SH3GL2: variants seen among roughly 807,000 people sequenced by gnomAD.
The protein encoded by SH3GL2 is SH3 domain containing GRB2 like 2, endophilin A1, also known as endophilin-A1.
Under a neutral mutation model 46.0 loss-of-function variants are expected in SH3GL2, and 24 were observed. That is an observed-to-expected ratio of 0.52 (90% CI 0.38 to 0.73). SH3GL2 has a LOEUF of 0.73. Among genes scored for constraint, SH3GL2 ranks in the 30% least tolerant of loss-of-function variants. The probability of loss-of-function intolerance (pLI) is 0.00; values close to 1 mark genes in which losing one functional copy is unlikely to be tolerated. For synonymous variants in SH3GL2, 196 were observed against 147.1 expected, an observed-to-expected ratio of 1.33 and a Z score of -2.40; for missense variants, 413 against 424.2, an observed-to-expected ratio of 0.97 and a Z score of 0.23.
chr9:17,676,383 A>C (rs1820609721), intron 1 of SH3GL2, among the ~76,000 whole-genome samples: 1 of 152,150 alleles, frequency 6.6e-6, no homozygotes, highest in African/African-American at 2.4e-5. Context: ...AGGTGGGTAG[A>C]TCATATGAGG....
chr9:17,631,503 A>C (rs953190639), intron 1 of SH3GL2, among the ~76,000 whole-genome samples: 1 of 152,182 alleles, frequency 6.6e-6, no homozygotes, highest in Non-Finnish European at 1.5e-5. Context: ...AGTTCTGTAC[A>C]TGGAAAATAT....
At position 17,740,465 on chromosome 9, in the gene SH3GL2, AGTATTGTATT is replaced by A. The variant is rs137877310; in HGVS notation, c.46-6580_46-6571del. On this transcript the variant is annotated intron_variant, in intron 1 of 8. Coordinates refer to ENST00000380607, the MANE Select transcript of SH3GL2 (RefSeq NM_003026.5). ...CCTCTAAGTATTTGATATGTCATCA[AGTATTGTATT>A]GTATTGTATTGTATTGTATTTTTTA... 3.9e-3 allele frequency among the ~76,000 whole-genome samples: 585 copies of A among 151,288 alleles called. 2 individuals carry two copies. The highest frequency in any genetic ancestry group is 0.013 in the African/African-American group (543 of 41,268).
chr9:17,664,631 A>T (rs1026837436), intron 1 of SH3GL2, among the ~76,000 whole-genome samples: 8 of 151,898 alleles, frequency 5.3e-5, no homozygotes, highest in Admixed American at 3.9e-4. Flanking sequence ...GGCTCTACAA[A>T]ATGTACTTCT....
chr9:17,696,027 G>A (rs1821194349), intron 1 of SH3GL2, among the ~76,000 whole-genome samples: 2 of 152,066 alleles, frequency 1.3e-5, no homozygotes, highest in Non-Finnish European at 2.9e-5. Context: ...TGTCTGAGTT[G>A]TCCTGCAAGC....
intron 1 of SH3GL2, among the ~76,000 whole-genome samples, chr9:17,619,035 C>G (rs1394538403): frequency 6.6e-6 from 1 of 152,000 alleles, no homozygotes; most frequent in Non-Finnish European, 1.5e-5. Context: ...TATTATCAAC[C>G]AACTGTATGG....
rs180807983 is a variant in SH3GL2 at position 17,781,793 on chromosome 9, C to T, written c.188-4588C>T. ...GGCCTTTCCCAGGTCTCTCCCTTTA[C>T]GGTTCACTCTTTCAGAAAGCCCAGC... is the stretch of plus-strand genomic sequence containing the variant. On this transcript the variant is annotated intron_variant, in intron 3 of 8. Transcript: ENST00000380607. Among the ~76,000 whole-genome samples, 286 of 152,210 alleles carry T rather than the reference C, an allele frequency of 1.9e-3. 8 individuals carry two copies. The highest frequency in any genetic ancestry group is 0.017 in the Admixed American group (263 of 15,272).
intron 1 of SH3GL2, among the ~76,000 whole-genome samples, chr9:17,640,806 A>G (rs2134642869): frequency 6.6e-6 from 1 of 152,360 alleles, no homozygotes; most frequent in South Asian, 2.1e-4. Flanking sequence ...ACTGTATTAT[A>G]CAGATATTCA....
chr9:17,752,081 G>GT (rs1015193823), intron 2 of SH3GL2, among the ~76,000 whole-genome samples: 2 of 152,098 alleles, frequency 1.3e-5, no homozygotes, highest in South Asian at 2.1e-4. Context: ...GTTTATTTTT[G>GT]TTTTTTAACA....
chr9:17,718,378 G>T (rs1433641852), intron 1 of SH3GL2, among the ~76,000 whole-genome samples: 1 of 152,102 alleles, frequency 6.6e-6, no homozygotes, highest in African/African-American at 2.4e-5. Flanking sequence ...CAGGCTTTGG[G>T]AAAGTACACA....
intron 3 of SH3GL2, among the ~76,000 whole-genome samples, chr9:17,769,210 C>G (rs933299159): frequency 1.3e-5 from 2 of 152,182 alleles, no homozygotes; most frequent in African/African-American, 4.8e-5. Flanking sequence ...TTCAGATGTA[C>G]ATTTACTTGT....
chr9:17,758,561 C>CAAAAA (rs57019804), intron 2 of SH3GL2, among the ~76,000 whole-genome samples: 500 of 29,180 alleles, frequency 0.017, 80 homozygotes, highest in African/African-American at 0.03. Flanking sequence ...GACCCTGTCT[C>CAAAAA]AAAAAAAAAA....
At chr9:17,637,096 A>G (rs1327052281) in intron 1 of SH3GL2, among the ~76,000 whole-genome samples, 1 of 152,202 alleles carries the variant, frequency 6.6e-6, no homozygotes, top group Admixed American at 6.5e-5. Context: ...TCTGAGAAGA[A>G]CTGAAGTTGT....
intron 3 of SH3GL2, among the ~76,000 whole-genome samples, chr9:17,770,875 C>G (rs1390200964): frequency 6.6e-6 from 1 of 152,154 alleles, no homozygotes; most frequent in Admixed American, 6.5e-5. Flanking sequence ...AGACAGCAAC[C>G]CACGTGAGCC....
At position 17,579,296 on chromosome 9, in the gene SH3GL2, C is replaced by T; in HGVS notation, c.45+9C>T. 1.3e-6 allele frequency: 2 copies of T among 1,557,342 alleles called. No homozygotes were observed. The highest frequency in any genetic ancestry group is 1.2e-5 in the South Asian group (1 of 85,866). On this transcript the variant is annotated intron_variant, in intron 1 of 8. Transcript: ENST00000380607. The stretch of plus-strand genomic sequence containing the variant: ...TCCATAAAGCCACTCAGGTAAGGCG[C>T]GCGGCAGGTGCGTCCCGGGGCAGTC...
chr9:17,665,811 T>A (rs1398930151), intron 1 of SH3GL2, among the ~76,000 whole-genome samples: 1 of 150,952 alleles, frequency 6.6e-6, no homozygotes, highest in Non-Finnish European at 1.5e-5. Flanking sequence ...CTTTTAGGTC[T>A]TCTTGGAGAT....
intron 1 of SH3GL2, among the ~76,000 whole-genome samples, chr9:17,673,895 C>G (rs1435525994): frequency 6.6e-6 from 1 of 152,260 alleles, no homozygotes; most frequent in Non-Finnish European, 1.5e-5. Flanking sequence ...TCAATTGACT[C>G]TACCCTAAGG....
intron 1 of SH3GL2, among the ~76,000 whole-genome samples, chr9:17,655,298 G>T (rs756312700): frequency 2.0e-5 from 3 of 152,142 alleles, no homozygotes; most frequent in African/African-American, 7.2e-5. Context: ...ATGGCAAGGG[G>T]TGTACGTGCT....
At chr9:17,615,658 C>CAAA (rs55926751) in intron 1 of SH3GL2, among the ~76,000 whole-genome samples, 84 of 82,616 alleles carry the variant, frequency 1.0e-3, no homozygotes, top group East Asian at 2.4e-3. Context: ...GACTCCGTCT[C>CAAA]AAAAAAAAAA....
At chr9:17,638,615 T>C (rs1204599031) in intron 1 of SH3GL2, among the ~76,000 whole-genome samples, 1 of 152,200 alleles carries the variant, frequency 6.6e-6, no homozygotes, top group Non-Finnish European at 1.5e-5. Flanking sequence ...CTGCCACCAG[T>C]ACTCTCCTCT....
Sources: allele counts gnomAD v4.1 joint callset (sites outside exome capture counted in the v4.1 genomes callset), GRCh38; gene constraint gnomAD v4.1.1; transcripts MANE v1.5; gene names NCBI Gene and HGNC (gene_info 2026-07-23, HGNC 2026-07-21).